SYNE1: variants seen among roughly 807,000 people sequenced by gnomAD.
SYNE1 encodes the protein spectrin repeat containing nuclear envelope protein 1.
SYNE1 carries 616 observed loss-of-function variants against 1,111.0 expected under a neutral mutation model. The ratio of observed to expected loss-of-function variants is 0.55; its 90% CI spans 0.52 to 0.59. The LOEUF is 0.59. Ranked by LOEUF, SYNE1 falls within the 20% of genes least tolerant of loss-of-function variation. The pLI, the probability that SYNE1 is intolerant of heterozygous loss-of-function variation, is 0.00. For synonymous variants in SYNE1, 3,855 were observed against 3,825.8 expected, an observed-to-expected ratio of 1.01 and a Z score of -0.28; for missense variants, 10,006 against 10,417.0, an observed-to-expected ratio of 0.96 and a Z score of 1.72.
rs886043032 is a variant in SYNE1 at position 152,334,104 on chromosome 6, T to C, written c.12698A>G (p.Glu4233Gly). The C allele has an allele frequency of 6.2e-7, 1 of 1,614,158 alleles. No homozygotes were observed. Among genetic ancestry groups the C allele is most frequent in the Non-Finnish European group, 8.5e-7 (1 of 1,180,034 alleles). Residue 4233 changes from glutamate to glycine, a missense_variant, in exon 77 of 146, where the codon GAA becomes GGA. Glu to Gly is a moderately conservative substitution (Grantham distance 98, BLOSUM62 -2). Transcript: ENST00000367255. ...ATCTCTTGTTCTCTGAAGATCCTCT[T>C]CCCTTTGCAAGCACAGGTTGTTAGA... is the stretch of plus-strand genomic sequence containing the variant. ...RQSNNLCLQR[E>G]EDLQRTRDYH...
intron 41 of SYNE1, among the ~76,000 whole-genome samples, chr6:152,415,736 A>G (rs1030126391): frequency 4.2e-5 from 6 of 141,184 alleles, no homozygotes; most frequent in African/African-American, 1.6e-4. Context: ...ATCCAAAGAA[A>G]TTTTAGTACG....
At chr6:152,255,481 TTAG>T in intron 103 of SYNE1, 107 bp downstream of exon 103, 1 of 1,240,914 alleles carries the variant, frequency 8.1e-7, no homozygotes, top group Non-Finnish European at 1.2e-6. Flanking sequence ...TTCTGCATTA[TTAG>T]AATTGTTTTA....
chr6:152,433,393 G>C (rs2098446637), intron 34 of SYNE1: 1 of 223,500 alleles, frequency 4.5e-6, no homozygotes, highest in Non-Finnish European at 9.0e-6. Flanking sequence ...ATTGGTGTGG[G>C]TAAGTACCAC....
At chr6:152,530,588 T>C (rs2154358047) in intron 4 of SYNE1, among the ~76,000 whole-genome samples, 1 of 152,114 alleles carries the variant, frequency 6.6e-6, no homozygotes, top group African/African-American at 2.4e-5. Flanking sequence ...ATTCATAAGT[T>C]TTAAATTGCA....
Position 152,502,759 on chromosome 6 carries a change from G to T in SYNE1, c.779-17C>A. 1 of 1,548,454 alleles carries T rather than the reference G, an allele frequency of 6.5e-7. No homozygotes were observed. The highest frequency in any genetic ancestry group is 8.9e-7 in the Non-Finnish European group (1 of 1,121,228). On this transcript the variant is annotated splice_polypyrimidine_tract_variant and intron_variant, in intron 9 of 145. Transcript: ENST00000367255. ...CATCAACGTCTGAAAAAACAAAAAA[G>T]AAATGTGAATAAACTAATTAGCATT...
chr6:152,288,974 C>T (rs184257236), intron 95 of SYNE1, among the ~76,000 whole-genome samples: 10 of 151,948 alleles, frequency 6.6e-5, no homozygotes, highest in African/African-American at 2.4e-4. Flanking sequence ...TCAGGGGGGG[C>T]GTGAGATTTT....
At chr6:152,586,932 A>G (rs2099541381) in intron 3 of SYNE1, among the ~76,000 whole-genome samples, 1 of 152,190 alleles carries the variant, frequency 6.6e-6, no homozygotes. Flanking sequence ...TGTCTTCTTC[A>G]GCCCTGATTC....
At chr6:152,144,158 C>T (rs2059032555) in intron 137 of SYNE1, 1 of 310,260 alleles carries the variant, frequency 3.2e-6, no homozygotes, top group Non-Finnish European at 6.2e-6. Context: ...CATGTTCTTT[C>T]TGCTATCGCT....
intron 11 of SYNE1, among the ~76,000 whole-genome samples, chr6:152,491,928 C>T (rs912260585): frequency 5.3e-5 from 8 of 152,110 alleles, no homozygotes; most frequent in African/African-American, 1.9e-4. Flanking sequence ...CTTCTATCAC[C>T]TCCCCCTCCT....
At chr6:152,218,914 T>G in intron 120 of SYNE1, 89 bp downstream of exon 120, 1 of 1,370,266 alleles carries the variant, frequency 7.3e-7, no homozygotes, top group Non-Finnish European at 1.0e-6. Flanking sequence ...GAGGCATTGT[T>G]GCCATGACAA....
intron 10 of SYNE1, among the ~76,000 whole-genome samples, chr6:152,502,209 A>G (rs2099033634): frequency 6.6e-6 from 1 of 151,612 alleles, no homozygotes; most frequent in South Asian, 2.1e-4. Flanking sequence ...ATTGCGTCTT[A>G]CTTCCATATG....
chr6:152,624,970 G>T (rs967468125), intron 3 of SYNE1, among the ~76,000 whole-genome samples: 1 of 152,134 alleles, frequency 6.6e-6, no homozygotes. Flanking sequence ...GCACAGGTCT[G>T]AAATGACAAT....
At chr6:152,307,729 A>G (rs1210006700) in intron 91 of SYNE1, among the ~76,000 whole-genome samples, 1 of 152,238 alleles carries the variant, frequency 6.6e-6, no homozygotes, top group African/African-American at 2.4e-5. Flanking sequence ...AGCTGGCCCA[A>G]TCTGAAAATT....
At chr6:152,264,509 T>C (rs1193667815) in intron 100 of SYNE1, among the ~76,000 whole-genome samples, 1 of 151,690 alleles carries the variant, frequency 6.6e-6, no homozygotes, top group African/African-American at 2.4e-5. Flanking sequence ...AAAATTTCTG[T>C]AAACTGGCCA....
intron 95 of SYNE1, among the ~76,000 whole-genome samples, chr6:152,286,922 C>A (rs1351904128): frequency 2.0e-5 from 3 of 152,198 alleles, no homozygotes; most frequent in East Asian, 1.9e-4. Flanking sequence ...AAATAGAATA[C>A]ATTCGCATAC....
chr6:152,598,776 T>C (rs2099588956), intron 3 of SYNE1, among the ~76,000 whole-genome samples: 1 of 152,180 alleles, frequency 6.6e-6, no homozygotes, highest in South Asian at 2.1e-4. Context: ...AGGTAACATA[T>C]AAATATACAT....
chr6:152,232,099 C>T lies in SYNE1; in HGVS notation c.20862+17G>A, dbSNP rs755276403. On this transcript the variant is annotated intron_variant, in intron 113 of 145. Transcript: ENST00000367255. ...GTCTGAAAATATGAAAAGTTAAAAA[C>T]AAAAAATTTTAATTACCTTATATTT... The T allele has an allele frequency of 7.8e-6, 12 of 1,547,448 alleles. No homozygotes were observed. The East Asian group carries it at 2.7e-4, about 35-fold the overall frequency.
chr6:152,393,330 A>G (rs541698991), intron 51 of SYNE1, among the ~76,000 whole-genome samples: 1 of 152,262 alleles, frequency 6.6e-6, no homozygotes, highest in East Asian at 1.9e-4. Flanking sequence ...AGCTGAGACT[A>G]TGGAAAACCA....
chr6:152,284,627 TTTTTTTTTTTA>T (rs1209205944), intron 95 of SYNE1, among the ~76,000 whole-genome samples: 10 of 147,136 alleles, frequency 6.8e-5, no homozygotes, highest in Non-Finnish European at 8.9e-5. Flanking sequence ...TTTTTTTTTT[TTTTTTTTTTTA>T]CTTTTTGTAA....
Sources: gnomAD v4.1 joint callset for allele counts (sites outside exome capture counted in the v4.1 genomes callset) on GRCh38, gnomAD v4.1.1 for gene constraint, MANE v1.5 for transcripts, NCBI Gene and HGNC (gene_info 2026-07-23, HGNC 2026-07-21) for gene names.